PAK2: variants seen among roughly 807,000 people sequenced by gnomAD.
PAK2 encodes serine/threonine-protein kinase PAK 2.
A neutral mutation model predicts 65.9 loss-of-function variants in PAK2; 21 were observed. The observed-to-expected ratio is 0.32, with a 90% CI of 0.23 to 0.46. The LOEUF (loss-of-function observed/expected upper bound fraction) is 0.46, where lower values mean the gene tolerates loss of function less well. Among genes scored for constraint, PAK2 ranks in the 20% least tolerant of loss-of-function variants. The probability of loss-of-function intolerance (pLI) is 1.00; values close to 1 mark genes in which losing one functional copy is unlikely to be tolerated. For missense variants in PAK2, 324 were observed against 642.6 expected, an observed-to-expected ratio of 0.50 and a Z score of 5.36; for synonymous variants, 204 against 219.7, an observed-to-expected ratio of 0.93 and a Z score of 0.63.
chr3:196,779,815 C>T (rs529016366), intron 1 of PAK2, among the ~76,000 whole-genome samples: 46 of 152,310 alleles, frequency 3.0e-4, no homozygotes, highest in African/African-American at 9.9e-4. Flanking sequence ...GGACTACAGG[C>T]GTGCGCCACC....
Position 196,820,306 on chromosome 3 carries a change from G to A in PAK2, c.1154-65G>A. The A allele has an allele frequency of 7.0e-6, 6 of 851,584 alleles. No homozygotes were observed. The South Asian group carries it at 9.6e-5, about 14-fold the overall frequency. 52.8% of individuals were successfully genotyped at this position (851,584 alleles called of 1,614,324 possible). A position where few individuals can be genotyped will look rare whatever the true frequency, so the allele number is the denominator to read the frequency against. On this transcript the variant is annotated intron_variant, in intron 12 of 14. Transcript: ENST00000327134. This position sits in a 1 kb window ranked among gnomAD's most constrained non-coding sequence, Gnocchi z 4.6. ...CAAAATATAATTAATTACATAATCT[G>A]AAGTGAACTCTTCTGCTAAAACCAT...
chr3:196,798,165 G>A (rs1715314322), intron 2 of PAK2, among the ~76,000 whole-genome samples: 1 of 152,116 alleles, frequency 6.6e-6, no homozygotes, highest in Admixed American at 6.5e-5. Flanking sequence ...GCAACCAAAA[G>A]TAGATTCATT....
intron 1 of PAK2, among the ~76,000 whole-genome samples, chr3:196,749,129 C>T (rs1415029255): frequency 2.0e-5 from 3 of 151,152 alleles, no homozygotes; most frequent in African/African-American, 7.3e-5. Flanking sequence ...TTACCTTATT[C>T]TGCTTGTCCA....
chr3:196,768,296 T>G (rs750701974), intron 1 of PAK2, among the ~76,000 whole-genome samples: 2 of 152,024 alleles, frequency 1.3e-5, no homozygotes, highest in Non-Finnish European at 2.9e-5. Context: ...TGCCGAGATA[T>G]TTTACTAGTT....
At chr3:196,824,616 A>AT (rs1019330504) in intron 13 of PAK2, among the ~76,000 whole-genome samples, 2 of 152,024 alleles carry the variant, frequency 1.3e-5, no homozygotes, top group African/African-American at 2.4e-5. Context: ...AGCACAGGGA[A>AT]TTTTTTTGGG....
rs1181943623 is a variant in PAK2 at position 196,831,210 on chromosome 3, T to C, written c.*2805T>C. The C allele has an allele frequency of 6.6e-6, 1 of 152,170 alleles. No homozygotes were observed. Among genetic ancestry groups the C allele is most frequent in the Non-Finnish European group, 1.5e-5 (1 of 68,042 alleles). The allele number at this position is 152,170 out of a possible 1,614,324, so 9.4% of individuals were successfully genotyped here. A position where few individuals can be genotyped will look rare whatever the true frequency, so the allele number is the denominator to read the frequency against. On this transcript the variant is annotated 3_prime_UTR_variant, in exon 15 of 15. Transcript: ENST00000327134. ...GCCTCATGTTTTTTAAATAATTGCC[T>C]TTTATATTTACCCTTTTTGTCATCA...
At chr3:196,821,267 C>G (rs1191630979) in intron 13 of PAK2, among the ~76,000 whole-genome samples, 1 of 151,950 alleles carries the variant, frequency 6.6e-6, no homozygotes, top group Non-Finnish European at 1.5e-5. Context: ...GTGGCAGTTG[C>G]GGTGAGCCAA....
chr3:196,762,488 G>A (rs1289602459), intron 1 of PAK2, among the ~76,000 whole-genome samples: 2 of 150,506 alleles, frequency 1.3e-5, no homozygotes, highest in African/African-American at 2.4e-5. Context: ...CGCGGTTAGG[G>A]GCTGGAGACC....
Position 196,748,609 on chromosome 3 carries a change from A to C in PAK2, c.-22+8452A>C, listed in dbSNP as rs1178065015. On this transcript the variant is annotated intron_variant, in intron 1 of 14. Transcript: ENST00000327134. ...TAGCCTTTTCAACTTGGCTTCTTTC[A>C]CTTAGCAGTATGCATCTGAGGTTCT... 3.3e-5 allele frequency among the ~76,000 whole-genome samples: 5 copies of C among 152,076 alleles called. No homozygotes were observed. In the South Asian group the frequency reaches 1.0e-3, roughly 31 times the overall value.
At chr3:196,799,739 C>T (rs773016122) in intron 2 of PAK2, among the ~76,000 whole-genome samples, 2 of 152,112 alleles carry the variant, frequency 1.3e-5, no homozygotes, top group Non-Finnish European at 2.9e-5. Flanking sequence ...ACTGCAGCCT[C>T]CACCTCCTGG....
At chr3:196,809,052 C>A (rs1276294387) in intron 7 of PAK2, among the ~76,000 whole-genome samples, 1 of 150,806 alleles carries the variant, frequency 6.6e-6, no homozygotes, top group Non-Finnish European at 1.5e-5. Context: ...AACTATACAA[C>A]TTAGACCCCG....
chr3:196,799,457 A>C (rs1220777693), intron 2 of PAK2, among the ~76,000 whole-genome samples: 1 of 152,160 alleles, frequency 6.6e-6, no homozygotes, highest in Non-Finnish European at 1.5e-5. Flanking sequence ...AGGCGACGCG[A>C]GTGCTCACGG....
intron 5 of PAK2, among the ~76,000 whole-genome samples, chr3:196,805,689 C>T (rs895743737): frequency 1.3e-5 from 2 of 152,140 alleles, no homozygotes; most frequent in South Asian, 4.1e-4. Context: ...CCTCTCCATC[C>T]CTCAGTTTTC....
chr3:196,787,770 T>G (rs1466391157), intron 2 of PAK2, among the ~76,000 whole-genome samples: 1 of 152,118 alleles, frequency 6.6e-6, no homozygotes, highest in Non-Finnish European at 1.5e-5. Context: ...GTAGGATGCT[T>G]CTTGATTCCT....
chr3:196,744,286 A>G (rs1040052582), intron 1 of PAK2, among the ~76,000 whole-genome samples: 2 of 152,230 alleles, frequency 1.3e-5, no homozygotes, highest in Non-Finnish European at 2.9e-5. Flanking sequence ...AGACAAAATT[A>G]CCTTAGTCTC....
At chr3:196,778,793 G>A (rs943114982) in intron 1 of PAK2, among the ~76,000 whole-genome samples, 1 of 152,048 alleles carries the variant, frequency 6.6e-6, no homozygotes, top group Non-Finnish European at 1.5e-5. Context: ...TTGACAGTTT[G>A]GAGGAATGTA....
chr3:196,817,369 G>A (rs536557762), intron 11 of PAK2, among the ~76,000 whole-genome samples: 1 of 150,726 alleles, frequency 6.6e-6, no homozygotes, highest in Non-Finnish European at 1.5e-5. Flanking sequence ...TTGTTTTTTC[G>A]AGATGGAGTC....
At chr3:196,753,936 T>C (rs545072163) in intron 1 of PAK2, among the ~76,000 whole-genome samples, 2 of 152,344 alleles carry the variant, frequency 1.3e-5, no homozygotes, top group African/African-American at 4.8e-5. Flanking sequence ...TTTCAATTGT[T>C]CTGTTTCCTT....
At chr3:196,802,546 G>A (rs879335205) in intron 3 of PAK2, among the ~76,000 whole-genome samples, 1 of 151,878 alleles carries the variant, frequency 6.6e-6, no homozygotes, top group Non-Finnish European at 1.5e-5. Context: ...AACAGACTTA[G>A]AAAAAATAGA....
Sources: gnomAD v4.1 joint callset for allele counts (sites outside exome capture counted in the v4.1 genomes callset) on GRCh38, gnomAD v4.1.1 for gene constraint, Gnocchi (gnomAD v3.1) non-coding constraint, MANE v1.5 for transcripts, NCBI Gene and HGNC (gene_info 2026-07-23, HGNC 2026-07-21) for gene names.